Variants in HS6ST3 observed in about 807,000 individuals in gnomAD.
The protein encoded by HS6ST3 is heparan sulfate 6-O-sulfotransferase 3, also known as heparan-sulfate 6-O-sulfotransferase 3.
HS6ST3 carries 12 observed loss-of-function variants against 36.7 expected under a neutral mutation model. The observed-to-expected ratio is 0.33, with a 90% CI of 0.21 to 0.53. The LOEUF is 0.53. HS6ST3 is among the 20% of genes least tolerant of loss of function. HS6ST3 has a pLI of 0.95. For missense variants in HS6ST3, 584 were observed against 640.9 expected (o/e 0.91, Z 0.96); for synonymous variants, 240 against 257.5 (o/e 0.93, Z 0.65).
chr13:96,795,625 T>C (rs962229685), intron 1 of HS6ST3, among the ~76,000 whole-genome samples: 2 of 152,146 alleles, frequency 1.3e-5, no homozygotes, highest in African/African-American at 4.8e-5. Flanking sequence ...AATATAACTG[T>C]AAAATTATGT....
At chr13:96,819,731 A>G (rs1878492761) in intron 1 of HS6ST3, among the ~76,000 whole-genome samples, 1 of 152,174 alleles carries the variant, frequency 6.6e-6, no homozygotes, top group African/African-American at 2.4e-5. Context: ...TCCCAGCTCT[A>G]CTACTTTTTA....
intron 1 of HS6ST3, among the ~76,000 whole-genome samples, chr13:96,470,496 A>T (rs1400921254): frequency 2.0e-5 from 3 of 152,064 alleles, no homozygotes; most frequent in African/African-American, 7.2e-5. Flanking sequence ...CCTCTTCAAG[A>T]TATGTCATTC....
chr13:96,351,223 A>G (rs1236205825), intron 1 of HS6ST3, among the ~76,000 whole-genome samples: 1 of 152,104 alleles, frequency 6.6e-6, no homozygotes, highest in Admixed American at 6.6e-5. Flanking sequence ...CCTGAAAGCA[A>G]GGTTTAATTT....
intron 1 of HS6ST3, among the ~76,000 whole-genome samples, chr13:96,394,227 A>G (rs1003835407): frequency 2.6e-5 from 4 of 151,814 alleles, no homozygotes; most frequent in Admixed American, 1.3e-4. Flanking sequence ...CTCCACAGCT[A>G]TGCCTGTGGC....
chr13:96,662,151 C>T (rs1235878907), intron 1 of HS6ST3, among the ~76,000 whole-genome samples: 1 of 152,122 alleles, frequency 6.6e-6, no homozygotes, highest in East Asian at 1.9e-4. Flanking sequence ...TCTAGCAAGC[C>T]TAGGGACATT....
At chr13:96,285,130 A>G (rs1266582133) in intron 1 of HS6ST3, among the ~76,000 whole-genome samples, 1 of 152,060 alleles carries the variant, frequency 6.6e-6, no homozygotes, top group Non-Finnish European at 1.5e-5. Flanking sequence ...ACAGTGTAAG[A>G]TAATCAACCG....
intron 1 of HS6ST3, among the ~76,000 whole-genome samples, chr13:96,393,601 A>G (rs2055406897): frequency 6.6e-6 from 1 of 152,222 alleles, no homozygotes; most frequent in African/African-American, 2.4e-5. Flanking sequence ...TGATGATTTT[A>G]CTTTTTAAAG....
chr13:96,576,980 C>CTA (rs2138966137), intron 1 of HS6ST3, among the ~76,000 whole-genome samples: 1 of 137,986 alleles, frequency 7.2e-6, no homozygotes, highest in East Asian at 2.3e-4. Context: ...AAAAGTTGCT[C>CTA]TATTTATCTT....
chr13:96,721,821 A>G (rs1038945991), intron 1 of HS6ST3, among the ~76,000 whole-genome samples: 1 of 152,212 alleles, frequency 6.6e-6, no homozygotes, highest in African/African-American at 2.4e-5. Context: ...AGTGAAACTT[A>G]TGAATAGCTA....
At chr13:96,569,898 AT>A (rs2056295094) in intron 1 of HS6ST3, among the ~76,000 whole-genome samples, 3 of 152,206 alleles carry the variant, frequency 2.0e-5, no homozygotes, top group Non-Finnish European at 4.4e-5. Context: ...CAAAAAGAGT[AT>A]TAAATGGAAA....
chr13:96,593,198 T>TTTTTTG (rs2056389661), intron 1 of HS6ST3, among the ~76,000 whole-genome samples: 1 of 130,230 alleles, frequency 7.7e-6, no homozygotes, highest in Non-Finnish European at 1.6e-5. Flanking sequence ...TTTTTTTTTT[T>TTTTTTG]TTTGAGATGG....
chr13:96,139,347 A>C (rs1286217903), intron 1 of HS6ST3, among the ~76,000 whole-genome samples: 1 of 152,086 alleles, frequency 6.6e-6, no homozygotes, highest in African/African-American at 2.4e-5. Flanking sequence ...TCGCAAATCA[A>C]AGGAAAGAAT....
intron 1 of HS6ST3, among the ~76,000 whole-genome samples, chr13:96,265,054 C>G (rs1452656284): frequency 2.0e-5 from 3 of 152,148 alleles, no homozygotes; most frequent in African/African-American, 4.8e-5. Context: ...ACTTCCACTC[C>G]ATTCTTCATA....
intron 1 of HS6ST3, among the ~76,000 whole-genome samples, chr13:96,188,441 C>T (rs1410124279): frequency 2.5e-3 from 2 of 812 alleles, no homozygotes; most frequent in Non-Finnish European, 0.013. Context: ...ATCGTGAGAC[C>T]CCCCCATCGC....
chr13:96,524,663 C>T (rs1045883449), intron 1 of HS6ST3, among the ~76,000 whole-genome samples: 4 of 152,336 alleles, frequency 2.6e-5, no homozygotes, highest in East Asian at 3.9e-4. Flanking sequence ...AGCAAGGCTC[C>T]GTGGGCATGG....
chr13:96,552,544 G>A (rs2056223391), intron 1 of HS6ST3, among the ~76,000 whole-genome samples: 1 of 152,302 alleles, frequency 6.6e-6, no homozygotes, highest in East Asian at 1.9e-4. Context: ...TATGGGCACT[G>A]TGGATGTCAT....
At chr13:96,651,340 C>T (rs2056606438) in intron 1 of HS6ST3, among the ~76,000 whole-genome samples, 1 of 151,952 alleles carries the variant, frequency 6.6e-6, no homozygotes, top group Non-Finnish European at 1.5e-5. Flanking sequence ...ATTTATCTTT[C>T]AGGAGTTAGT....
chr13:96,158,385 C>A (rs1355305818), intron 1 of HS6ST3, among the ~76,000 whole-genome samples: 1 of 151,622 alleles, frequency 6.6e-6, no homozygotes, highest in Non-Finnish European at 1.5e-5. Context: ...TAGAGGGAAC[C>A]CCAAGAAAAA....
intron 1 of HS6ST3, among the ~76,000 whole-genome samples, chr13:96,758,064 A>G (rs1876877060): frequency 6.6e-6 from 1 of 152,100 alleles, no homozygotes; most frequent in South Asian, 2.1e-4. Context: ...TACCTGAGAC[A>G]GAAGTTTTCT....
Sources: allele counts gnomAD v4.1 joint callset (sites outside exome capture counted in the v4.1 genomes callset), GRCh38; gene constraint gnomAD v4.1.1; transcripts MANE v1.5; gene names NCBI Gene and HGNC (gene_info 2026-07-23, HGNC 2026-07-21).